The following COL23A1 variants were observed in gnomAD, a reference collection of about 807,000 sequenced individuals.
COL23A1 encodes the protein collagen type XXIII alpha 1 chain, also known as collagen alpha-1(XXIII) chain.
Under a neutral mutation model 99.3 loss-of-function variants are expected in COL23A1, and 97 were observed. The observed-to-expected ratio is 0.98, with a 90% CI of 0.83 to 1.16. The LOEUF is 1.16. COL23A1 is among the 50% of genes most tolerant of loss of function. The pLI, the probability that COL23A1 is intolerant of heterozygous loss-of-function variation, is 0.00. For missense variants in COL23A1, 762 were observed against 757.4 expected (o/e 1.01, Z -0.07); for synonymous variants, 320 against 308.2 (o/e 1.04, Z -0.40).
chr5:178,367,487 A>G (rs1762550240), intron 2 of COL23A1, among the ~76,000 whole-genome samples: 1 of 152,174 alleles, frequency 6.6e-6, no homozygotes, highest in Non-Finnish European at 1.5e-5. Context: ...CCACTGTGGT[A>G]GACTGGGGCT....
intron 2 of COL23A1, among the ~76,000 whole-genome samples, chr5:178,487,841 C>T (rs1378503205): frequency 6.6e-6 from 1 of 152,244 alleles, no homozygotes; most frequent in Non-Finnish European, 1.5e-5. Flanking sequence ...AACAGGAAGA[C>T]AAGAGCCACA....
At chr5:178,484,648 C>T (rs927124877) in intron 2 of COL23A1, among the ~76,000 whole-genome samples, 21 of 152,000 alleles carry the variant, frequency 1.4e-4, no homozygotes, top group African/African-American at 4.3e-4. Flanking sequence ...ACGGTGAAAC[C>T]CCGTCTCTAG....
At chr5:178,341,980 G>C (rs1019572172) in intron 2 of COL23A1, among the ~76,000 whole-genome samples, 1 of 152,002 alleles carries the variant, frequency 6.6e-6, no homozygotes, top group Non-Finnish European at 1.5e-5. Context: ...ACCATTTTTC[G>C]TAACACACCG....
intron 2 of COL23A1, among the ~76,000 whole-genome samples, chr5:178,473,991 A>T (rs1756900128): frequency 6.6e-6 from 1 of 152,204 alleles, no homozygotes; most frequent in Non-Finnish European, 1.5e-5. Flanking sequence ...TTTAATGTAG[A>T]CACACTTTAC....
At chr5:178,585,435 A>ACTCCACAGCCCTGGTTGATG (rs1763896077) in intron 1 of COL23A1, among the ~76,000 whole-genome samples, 1 of 62,450 alleles carries the variant, frequency 1.6e-5, no homozygotes, top group Non-Finnish European at 3.6e-5. Context: ...CCTGGTTGAC[A>ACTCCACAGCCCTGGTTGATG]CTGGGGTAAC....
intron 2 of COL23A1, among the ~76,000 whole-genome samples, chr5:178,532,149 T>A (rs1760684022): frequency 6.6e-6 from 1 of 152,186 alleles, no homozygotes; most frequent in South Asian, 2.1e-4. Flanking sequence ...GTGACCTCCA[T>A]CCAGAATCGA....
At chr5:178,536,790 G>A (rs1231817421) in intron 2 of COL23A1, among the ~76,000 whole-genome samples, 1 of 152,234 alleles carries the variant, frequency 6.6e-6, no homozygotes, top group Non-Finnish European at 1.5e-5. Context: ...CGGGGAGGTG[G>A]GGCATGTGCT....
intron 1 of COL23A1, among the ~76,000 whole-genome samples, chr5:178,585,725 A>ATGC (rs1562115503): frequency 5.3e-4 from 67 of 125,790 alleles, no homozygotes; most frequent in South Asian, 1.2e-3. Flanking sequence ...CGCTGGGGTA[A>ATGC]CACTCCACAG....
intron 1 of COL23A1, among the ~76,000 whole-genome samples, chr5:178,582,200 C>G (rs1763694121): frequency 1.0e-5 from 1 of 99,660 alleles, no homozygotes; most frequent in Admixed American, 1.4e-4. Flanking sequence ...GGACGAGACT[C>G]TATCTCAAAA....
intron 2 of COL23A1, among the ~76,000 whole-genome samples, chr5:178,521,552 C>CAAAA (rs5873620): frequency 3.5e-5 from 4 of 113,322 alleles, no homozygotes; most frequent in African/African-American, 1.3e-4. Flanking sequence ...GACTCCATCT[C>CAAAA]AAAAAAAAAA....
chr5:178,255,085 G>A lies in COL23A1; in HGVS notation c.883-59C>T. The A allele has an allele frequency of 7.2e-7, 1 of 1,396,312 alleles. No homozygotes were observed. Among genetic ancestry groups the A allele is most frequent in the Admixed American group, 1.7e-5 (1 of 59,200 alleles). The allele number at this position is 1,396,312 out of a possible 1,614,324, so 86.5% of individuals were successfully genotyped here. A position where few individuals can be genotyped will look rare whatever the true frequency, so the allele number is the denominator to read the frequency against. ...AGAGCTACACTGAGTTGGAGGTGAA[G>A]TGGCAGCTGTCCCTGCATCACATCC... On this transcript the variant is annotated intron_variant, in intron 15 of 28. Coordinates refer to ENST00000390654, the MANE Select transcript of COL23A1 (RefSeq NM_173465.4). The surrounding 1 kb of genome is among the most constrained non-coding windows in gnomAD (Gnocchi z 4.2).
chr5:178,267,905 G>T lies in COL23A1; in HGVS notation c.496-572C>A, dbSNP rs9329141. Among the ~76,000 whole-genome samples, 878 of 152,302 alleles carry T rather than the reference G, an allele frequency of 5.8e-3. 6 individuals carry two copies. Among genetic ancestry groups the T allele is most frequent in the African/African-American group, 0.02 (838 of 41,580 alleles). On this transcript the variant is annotated intron_variant, in intron 7 of 28. Transcript: ENST00000390654. ...TCTCTCCTGTGGCTCCGTGAGATTG[G>T]TCTTAATTTACAGATGGGGAAACTG... is the stretch of plus-strand genomic sequence containing the variant.
intron 2 of COL23A1, among the ~76,000 whole-genome samples, chr5:178,392,197 A>T (rs1474483639): frequency 6.6e-6 from 1 of 151,806 alleles, no homozygotes; most frequent in Non-Finnish European, 1.5e-5. Flanking sequence ...TGAGTATAAT[A>T]AAAACCACTG....
chr5:178,335,512 G>T (rs887166449), intron 2 of COL23A1, among the ~76,000 whole-genome samples: 1 of 152,210 alleles, frequency 6.6e-6, no homozygotes, highest in Non-Finnish European at 1.5e-5. Flanking sequence ...AATATGCAGC[G>T]CCTGGGCATG....
Position 178,238,621 on chromosome 5 carries a change from A to G in COL23A1, c.*77T>C. 3.2e-6 allele frequency: 5 copies of G among 1,566,526 alleles called. No individual in the cohort carries two copies. In the South Asian group the frequency reaches 5.6e-5, roughly 17 times the overall value. Reference sequence around the variant, plus strand: ...GTAGCGCATTCCATGAAAAAAGATCAATATATTACTGTTTTGTTTTTACAA... The same window carrying G: ...GTAGCGCATTCCATGAAAAAAGATCGATATATTACTGTTTTGTTTTTACAA... On this transcript the variant is annotated 3_prime_UTR_variant, in exon 29 of 29. Coordinates refer to ENST00000390654, the MANE Select transcript of COL23A1 (RefSeq NM_173465.4).
chr5:178,404,331 G>T (rs576110685), intron 2 of COL23A1, among the ~76,000 whole-genome samples: 1 of 152,262 alleles, frequency 6.6e-6, no homozygotes, highest in African/African-American at 2.4e-5. Flanking sequence ...ACACAGGTGT[G>T]GATGCAGCAA....
intron 2 of COL23A1, among the ~76,000 whole-genome samples, chr5:178,363,380 A>G (rs1762279328): frequency 6.6e-6 from 1 of 152,152 alleles, no homozygotes; most frequent in African/African-American, 2.4e-5. Context: ...GTCCAGAAGA[A>G]GAAATACCTC....
chr5:178,507,614 T>C (rs1027864328), intron 2 of COL23A1, among the ~76,000 whole-genome samples: 5 of 152,234 alleles, frequency 3.3e-5, no homozygotes, highest in African/African-American at 4.8e-5. Context: ...TCTAGGTTGA[T>C]AGTTCTTTTC....
intron 2 of COL23A1, among the ~76,000 whole-genome samples, chr5:178,354,672 C>A (rs1043694326): frequency 1.3e-5 from 2 of 152,212 alleles, no homozygotes; most frequent in Admixed American, 6.5e-5. Flanking sequence ...CCTTCACCAT[C>A]CACCATGATT....
Sources: allele counts gnomAD v4.1 joint callset (sites outside exome capture counted in the v4.1 genomes callset), GRCh38; gene constraint gnomAD v4.1.1; non-coding constraint Gnocchi (gnomAD v3.1); transcripts MANE v1.5; gene names NCBI Gene and HGNC (gene_info 2026-07-23, HGNC 2026-07-21).